The following ERBB4 variants were observed in gnomAD, a reference collection of about 807,000 sequenced individuals.
The protein encoded by ERBB4 is erb-b2 receptor tyrosine kinase 4.
In ERBB4, 42 loss-of-function variants were observed where a neutral mutation model predicts 158.0. That is an observed-to-expected ratio of 0.27 (90% CI 0.21 to 0.34). The LOEUF (loss-of-function observed/expected upper bound fraction) is 0.34, where lower values mean the gene tolerates loss of function less well. Among genes scored for constraint, ERBB4 ranks in the 10% least tolerant of loss-of-function variants. The pLI, the probability that ERBB4 is intolerant of heterozygous loss-of-function variation, is 1.00. For missense variants in ERBB4, 1,333 were observed against 1,624.1 expected (o/e 0.82, Z 3.08); for synonymous variants, 583 against 558.7 (o/e 1.04, Z -0.61).
At chr2:211,926,752 G>T (rs149557272) in intron 3 of ERBB4, among the ~76,000 whole-genome samples, 54 of 152,022 alleles carry the variant, frequency 3.6e-4, no homozygotes, top group African/African-American at 1.3e-3. Context: ...CCAGCTTCAT[G>T]CCCAGATAAC....
At chr2:212,103,844 G>A (rs1424056804) in intron 2 of ERBB4, among the ~76,000 whole-genome samples, 1 of 151,972 alleles carries the variant, frequency 6.6e-6, no homozygotes, top group East Asian at 1.9e-4. Flanking sequence ...GTGAAGTATT[G>A]TAAATTCACT....
At chr2:212,454,648 T>C (rs894234052) in intron 1 of ERBB4, among the ~76,000 whole-genome samples, 1 of 152,210 alleles carries the variant, frequency 6.6e-6, no homozygotes. Flanking sequence ...TTAATCAAAA[T>C]TTTCACTTCT....
chr2:212,273,977 C>A (rs1215501087), intron 1 of ERBB4, among the ~76,000 whole-genome samples: 2 of 151,752 alleles, frequency 1.3e-5, no homozygotes, highest in Non-Finnish European at 2.9e-5. Context: ...ACTTAATATC[C>A]TACTGTTCAC....
chr2:212,243,026 C>T (rs1248743731), intron 1 of ERBB4, among the ~76,000 whole-genome samples: 2 of 152,158 alleles, frequency 1.3e-5, no homozygotes, highest in Non-Finnish European at 2.9e-5. Context: ...TTGTCTCTTC[C>T]AGATGGTGTA....
intron 4 of ERBB4, among the ~76,000 whole-genome samples, chr2:211,770,069 T>G (rs2075652443): frequency 6.6e-6 from 1 of 152,216 alleles, no homozygotes; most frequent in Non-Finnish European, 1.5e-5. Context: ...ACCTAGCATT[T>G]TAACCTCTAC....
chr2:211,707,760 G>A (rs1559441153), intron 9 of ERBB4, among the ~76,000 whole-genome samples: 1 of 152,040 alleles, frequency 6.6e-6, no homozygotes, highest in Non-Finnish European at 1.5e-5. Context: ...GCTATTTCTG[G>A]CAATGGTACT....
At chr2:212,279,793 G>A (rs966758842) in intron 1 of ERBB4, among the ~76,000 whole-genome samples, 10 of 151,350 alleles carry the variant, frequency 6.6e-5, no homozygotes, top group East Asian at 1.9e-4. Flanking sequence ...TTCCAACGTC[G>A]TGAATGTATA....
chr2:211,805,068 T>C (rs940538662), intron 3 of ERBB4, among the ~76,000 whole-genome samples: 1 of 152,078 alleles, frequency 6.6e-6, no homozygotes, highest in South Asian at 2.1e-4. Flanking sequence ...TATAGGCACC[T>C]GCCACCACAC....
intron 4 of ERBB4, among the ~76,000 whole-genome samples, chr2:211,754,466 A>G (rs1327907598): frequency 6.8e-6 from 1 of 148,010 alleles, no homozygotes; most frequent in Non-Finnish European, 1.5e-5. Context: ...CAGTGGCGCA[A>G]TCTTGGCTCA....
intron 3 of ERBB4, among the ~76,000 whole-genome samples, chr2:211,832,702 G>A (rs553683348): frequency 6.6e-6 from 1 of 151,158 alleles, no homozygotes; most frequent in African/African-American, 2.4e-5. Context: ...TTTCAAAAAG[G>A]GGCTGGCATG....
chr2:211,841,019 A>G (rs1364131096), intron 3 of ERBB4, among the ~76,000 whole-genome samples: 3 of 152,090 alleles, frequency 2.0e-5, no homozygotes, highest in Non-Finnish European at 2.9e-5. Context: ...AGATTAGTCA[A>G]TTCTGTTATA....
At chr2:212,301,764 C>G (rs2086632788) in intron 1 of ERBB4, among the ~76,000 whole-genome samples, 1 of 149,638 alleles carries the variant, frequency 6.7e-6, no homozygotes, top group Admixed American at 6.7e-5. Flanking sequence ...CATATGTCAT[C>G]ATAATTCTCT....
intron 2 of ERBB4, among the ~76,000 whole-genome samples, chr2:212,091,069 A>G (rs1184885333): frequency 6.6e-6 from 1 of 152,164 alleles, no homozygotes; most frequent in Non-Finnish European, 1.5e-5. Flanking sequence ...CCCAAAACTG[A>G]CAATGACACA....
chr2:211,734,729 G>A (rs1178263489), intron 5 of ERBB4, among the ~76,000 whole-genome samples: 1 of 150,606 alleles, frequency 6.6e-6, no homozygotes, highest in Non-Finnish European at 1.5e-5. Flanking sequence ...GACCATCCTG[G>A]CTAACATGGT....
chr2:212,488,020 T>C (rs1391197311), intron 1 of ERBB4, among the ~76,000 whole-genome samples: 1 of 152,124 alleles, frequency 6.6e-6, no homozygotes, highest in East Asian at 1.9e-4. Context: ...AACCTGCATT[T>C]TGTCAAGTTG....
Position 211,996,716 on chromosome 2 carries a change from T to C in ERBB4, c.235-49100A>G, listed in dbSNP as rs73081375. 3.9e-3 allele frequency among the ~76,000 whole-genome samples: 600 copies of C among 152,310 alleles called. 6 individuals are homozygous for C. Among genetic ancestry groups the C allele is most frequent in the African/African-American group, 0.014 (569 of 41,576 alleles). ...TGTTCCCTGGCTTTGCTGCATGAGT[T>C]GTTTACATCCATATCCAAAGAATTC... is the stretch of plus-strand genomic sequence containing the variant. On this transcript the variant is annotated intron_variant, in intron 2 of 27. Transcript: ENST00000342788.
chr2:211,839,295 T>C (rs940057337), intron 3 of ERBB4, among the ~76,000 whole-genome samples: 1 of 151,936 alleles, frequency 6.6e-6, no homozygotes, highest in Admixed American at 6.6e-5. Flanking sequence ...CTCATATTTC[T>C]CTTCTGTGCC....
rs184191830 is a variant in ERBB4, at chr2:212,199,925, G to C, written c.83-75022C>G. On this transcript the variant is annotated intron_variant, in intron 1 of 27. Coordinates refer to ENST00000342788, the MANE Select transcript of ERBB4 (RefSeq NM_005235.3). ...ATGAAAAGATATTAGTGGACAACAAGCACATAGCTAAATAGTAATTCATGA... is the reference window on the plus strand; with the variant it reads ...ATGAAAAGATATTAGTGGACAACAACCACATAGCTAAATAGTAATTCATGA... Among the ~76,000 whole-genome samples, 90 of 152,286 alleles carry C rather than the reference G, an allele frequency of 5.9e-4. 2 individuals carry two copies. Among genetic ancestry groups the C allele is most frequent in the Admixed American group, 2.2e-3 (34 of 15,294 alleles).
At position 211,889,523 on chromosome 2, in the gene ERBB4, C is replaced by A. The variant is rs549188052; in HGVS notation, c.421+57907G>T. 2.0e-5 allele frequency among the ~76,000 whole-genome samples: 3 copies of A among 152,050 alleles called. No homozygotes were observed. In the South Asian group the frequency reaches 6.2e-4, roughly 32 times the overall value. On this transcript the variant is annotated intron_variant, in intron 3 of 27. Coordinates refer to ENST00000342788, the MANE Select transcript of ERBB4 (RefSeq NM_005235.3). Reference sequence around the variant, plus strand: ...TCCTCCAAAGGAACGCAGCTCCTCACCAGCAACGGAACAAGGAACAAAGCT... The same window carrying A: ...TCCTCCAAAGGAACGCAGCTCCTCAACAGCAACGGAACAAGGAACAAAGCT...
Sources: gnomAD v4.1 joint callset for allele counts (sites outside exome capture counted in the v4.1 genomes callset) on GRCh38, gnomAD v4.1.1 for gene constraint, MANE v1.5 for transcripts, NCBI Gene and HGNC (gene_info 2026-07-23, HGNC 2026-07-21) for gene names.